Variants in RALGAPA1 observed in about 807,000 individuals in gnomAD.
RALGAPA1 encodes the protein Ral GTPase activating protein catalytic subunit alpha 1, also known as ral GTPase-activating protein subunit alpha-1.
A neutral mutation model predicts 269.6 loss-of-function variants in RALGAPA1; 52 were observed. The ratio of observed to expected loss-of-function variants is 0.19; its 90% CI spans 0.15 to 0.24. The LOEUF (loss-of-function observed/expected upper bound fraction) is 0.24. Ranked by LOEUF, RALGAPA1 falls within the 10% of genes least tolerant of loss-of-function variation. The pLI is 1.00. For synonymous variants in RALGAPA1, 817 were observed against 1,008.3 expected (o/e 0.81, Z 3.60); for missense variants, 1,917 against 3,013.9 (o/e 0.64, Z 8.52).
At chr14:35,639,799 C>T (rs1231391789) in intron 31 of RALGAPA1, among the ~76,000 whole-genome samples, 3 of 151,762 alleles carry the variant, frequency 2.0e-5, no homozygotes, top group Non-Finnish European at 2.9e-5. Flanking sequence ...ATTAGTCGGG[C>T]GTGGTGGCGG....
At chr14:35,763,354 T>C (rs557371998) in intron 4 of RALGAPA1, among the ~76,000 whole-genome samples, 16 of 152,300 alleles carry the variant, frequency 1.1e-4, no homozygotes, top group Non-Finnish European at 1.8e-4. Context: ...TTTACTTAAC[T>C]GTACAGGTAT....
At chr14:35,576,841 C>T (rs879828464) in intron 37 of RALGAPA1, among the ~76,000 whole-genome samples, 2 of 152,196 alleles carry the variant, frequency 1.3e-5, no homozygotes, top group Non-Finnish European at 2.9e-5. Flanking sequence ...AGAACCTATA[C>T]TGTAACCACC....
At chr14:35,619,469 G>C (rs1294501913) in intron 35 of RALGAPA1, among the ~76,000 whole-genome samples, 3 of 152,092 alleles carry the variant, frequency 2.0e-5, no homozygotes, top group Non-Finnish European at 4.4e-5. Context: ...AAATTCAAAA[G>C]CTAGCAGAAG....
intron 39 of RALGAPA1, among the ~76,000 whole-genome samples, chr14:35,553,117 G>T (rs1181948412): frequency 2.6e-5 from 4 of 152,146 alleles, no homozygotes; most frequent in Non-Finnish European, 5.9e-5. Flanking sequence ...GAAGATAAAG[G>T]ATACAAATAC....
intron 1 of RALGAPA1, among the ~76,000 whole-genome samples, chr14:35,789,562 A>G (rs193104270): frequency 1.3e-5 from 2 of 152,058 alleles, no homozygotes; most frequent in African/African-American, 2.4e-5. Flanking sequence ...ACTGCACTGC[A>G]GCCTGGGTGA....
intron 1 of RALGAPA1, among the ~76,000 whole-genome samples, chr14:35,804,489 A>G (rs1236298360): frequency 6.6e-6 from 1 of 151,534 alleles, no homozygotes; most frequent in Admixed American, 6.6e-5. Flanking sequence ...GACTTGCTTG[A>G]ACCCGGGAGG....
chr14:35,648,437 G>C (rs969242414), intron 31 of RALGAPA1, among the ~76,000 whole-genome samples: 1 of 150,912 alleles, frequency 6.6e-6, no homozygotes, highest in Admixed American at 6.6e-5. Flanking sequence ...CAGTATTCCA[G>C]CTTGGGCAAC....
chr14:35,761,939 C>T (rs1023716235), intron 5 of RALGAPA1, among the ~76,000 whole-genome samples: 15 of 152,312 alleles, frequency 9.8e-5, no homozygotes, highest in African/African-American at 3.4e-4. Flanking sequence ...AATAATGTTA[C>T]TTTACCTAAC....
chr14:35,701,790 A>G (rs2067371793), intron 16 of RALGAPA1, among the ~76,000 whole-genome samples: 1 of 151,916 alleles, frequency 6.6e-6, no homozygotes, highest in Non-Finnish European at 1.5e-5. Context: ...CCACAGGCAT[A>G]TGTCACCATG....
At chr14:35,748,061 T>C (rs2072290489) in intron 10 of RALGAPA1, among the ~76,000 whole-genome samples, 3 of 152,076 alleles carry the variant, frequency 2.0e-5, no homozygotes, top group Non-Finnish European at 4.4e-5. Context: ...AAAATAATTT[T>C]ACCATAGTTT....
intron 16 of RALGAPA1, among the ~76,000 whole-genome samples, chr14:35,705,455 T>C (rs1300486655): frequency 6.6e-6 from 1 of 152,118 alleles, no homozygotes; most frequent in African/African-American, 2.4e-5. Context: ...CAGATTAGCT[T>C]CTTTTACTCA....
Position 35,752,779 on chromosome 14 carries a change from G to C in RALGAPA1, c.664-617C>G, listed in dbSNP as rs1366288556. 3.9e-5 allele frequency among the ~76,000 whole-genome samples: 6 copies of C among 152,294 alleles called. No homozygotes were observed. The East Asian group carries it at 9.6e-4, about 24-fold the overall frequency. On this transcript the variant is annotated intron_variant, in intron 7 of 41. Coordinates refer to ENST00000680220, the MANE Select transcript of RALGAPA1 (RefSeq NM_001346249.2). ...GGTACTGGAACCCAATCAAGTTAAG[G>C]AGAATGTCTGCAGAGGAGGGCAATG...
intron 26 of RALGAPA1, among the ~76,000 whole-genome samples, chr14:35,665,424 T>C (rs1458755189): frequency 6.6e-6 from 1 of 152,222 alleles, no homozygotes; most frequent in African/African-American, 2.4e-5. Flanking sequence ...CCTACTAATA[T>C]ATTGTTTTAT....
chr14:35,539,806 G>C, intron 41 of RALGAPA1, 116 bp from the exon 42 acceptor site: 1 of 1,454,038 alleles, frequency 6.9e-7, no homozygotes, highest in Non-Finnish European at 9.2e-7. Flanking sequence ...ATCTTTCGAG[G>C]GAAAAAGCAA....
intron 12 of RALGAPA1, among the ~76,000 whole-genome samples, chr14:35,735,207 A>G (rs12590376): frequency 0.022 from 3,402 of 152,234 alleles, 127 homozygotes; most frequent in South Asian, 0.14. Flanking sequence ...CAATCCCACT[A>G]CTGGGTATCT....
chr14:35,652,794 A>G (rs955410687), intron 30 of RALGAPA1, among the ~76,000 whole-genome samples: 3 of 152,316 alleles, frequency 2.0e-5, no homozygotes, highest in Non-Finnish European at 4.4e-5. Flanking sequence ...TGAAAAAGAC[A>G]TTATTTAAAA....
rs1315650580 is a variant in RALGAPA1, at chr14:35,742,393, A to C, written c.1424T>G (p.Met475Arg). 1 of 1,598,436 alleles carries C rather than the reference A, an allele frequency of 6.3e-7. No homozygotes were observed. The highest frequency in any genetic ancestry group is 8.5e-7 in the Non-Finnish European group (1 of 1,170,320). ...IENVTDHDIS[M>R]EEGEKREEEN... The stretch of plus-strand genomic sequence containing the variant: ...CTCTTCTCTTTTTTCTCCTTCTTCC[A>C]TTGAAATATCATGGTCTGTGACATT... Residue 475 changes from methionine (M) to arginine (R), a missense_variant, in exon 11 of 42, where the codon ATG (methionine) becomes AGG (arginine). Met to Arg is a moderately conservative substitution (Grantham distance 91, BLOSUM62 -1). This residue lies in a region of RALGAPA1 where 462 missense variants were observed against 725.6 expected (regional missense o/e 0.64). Transcript: ENST00000680220.
At chr14:35,680,768 C>T (rs146043654) in intron 21 of RALGAPA1, among the ~76,000 whole-genome samples, 2,369 of 151,990 alleles carry the variant, frequency 0.016, 48 homozygotes, top group African/African-American at 0.052. Context: ...GTGCCCACCA[C>T]CACGCCCGGC....
At chr14:35,685,200 C>A in intron 19 of RALGAPA1, 55 bp from the exon 20 acceptor site, 1 of 1,434,980 alleles carries the variant, frequency 7.0e-7, no homozygotes. Flanking sequence ...TCTCTTTAAC[C>A]ATCTGAAACC....
Sources: allele counts gnomAD v4.1 joint callset (sites outside exome capture counted in the v4.1 genomes callset), GRCh38; gene constraint gnomAD v4.1.1; regional missense constraint gnomAD v4.1.1; transcripts MANE v1.5; gene names NCBI Gene and HGNC (gene_info 2026-07-23, HGNC 2026-07-21).